Variants in KPNA5 observed in about 807,000 individuals in gnomAD.
The protein encoded by KPNA5 is importin subunit alpha-6.
Under a neutral mutation model 71.3 loss-of-function variants are expected in KPNA5, and 46 were observed. The observed-to-expected ratio is 0.65, with a 90% CI of 0.51 to 0.83. KPNA5 has a LOEUF of 0.83. Among genes scored for constraint, KPNA5 ranks in the 40% least tolerant of loss-of-function variants. The pLI is 0.00. For missense variants in KPNA5, 547 were observed against 628.3 expected (o/e 0.87, Z 1.38); for synonymous variants, 207 against 201.4 (o/e 1.03, Z -0.24).
intron 8 of KPNA5, among the ~76,000 whole-genome samples, chr6:116,718,653 A>T (rs2114475210): frequency 6.6e-6 from 1 of 152,250 alleles, no homozygotes; most frequent in Middle Eastern, 3.4e-3. Context: ...TGTGTTCCAA[A>T]CTTATGAAAT....
At chr6:116,698,864 C>G in intron 5 of KPNA5, 66 bp downstream of exon 5, 1 of 857,332 alleles carries the variant, frequency 1.2e-6, no homozygotes, top group African/African-American at 1.8e-5. Context: ...CTAGTGAAAG[C>G]AACTTCTGCA....
At chr6:116,721,021 C>T (rs1779084915) in intron 8 of KPNA5, among the ~76,000 whole-genome samples, 1 of 152,120 alleles carries the variant, frequency 6.6e-6, no homozygotes, top group Non-Finnish European at 1.5e-5. Flanking sequence ...TAGATGGTAA[C>T]TACTTCCAGA....
At position 116,712,404 on chromosome 6, in the gene KPNA5, A is replaced by G. The variant is rs191439536; in HGVS notation, c.657-3815A>G. 1.6e-3 allele frequency among the ~76,000 whole-genome samples: 247 copies of G among 152,336 alleles called. 1 individual carries two copies. Among genetic ancestry groups the G allele is most frequent in the African/African-American group, 5.3e-3 (221 of 41,582 alleles). ...AAAATCGCTTCTCGGCCTTTTGGCT[A>G]AGATCAAGTGTATTATTTGCATGGA... On this transcript the variant is annotated intron_variant, in intron 7 of 13. Transcript: ENST00000368564.
In KPNA5 at chr6:116,729,666, C is replaced by T. The variant is rs146135522; in HGVS notation, c.1357C>T (p.Arg453Cys). 67 of 1,610,280 alleles carry T rather than the reference C, an allele frequency of 4.2e-5. No homozygotes were observed. The East Asian group carries it at 7.4e-4, about 18-fold the overall frequency. Residue 453 changes from arginine (R) to cysteine (C), a missense_variant, in exon 13 of 14, where the codon CGT (arginine) becomes TGT (cysteine). Arg to Cys is a radical substitution (Grantham distance 180). Transcript: ENST00000368564. ...TTTAAATGGACTTGAAAATATTTTACGTCTTGGAGAACAAGAATCTAAGCA... is the reference window on the plus strand; with the variant it reads ...TTTAAATGGACTTGAAAATATTTTATGTCTTGGAGAACAAGAATCTAAGCA... ...VALNGLENIL[R>C]LGEQESKQNG... is the part of the protein sequence containing the mutation.
At chr6:116,726,881 A>C (rs1481874247) in intron 12 of KPNA5, among the ~76,000 whole-genome samples, 1 of 152,022 alleles carries the variant, frequency 6.6e-6, no homozygotes. Flanking sequence ...GTCTATGTTA[A>C]TTTGCAGAGT....
intron 7 of KPNA5, among the ~76,000 whole-genome samples, chr6:116,709,516 T>C (rs1778571904): frequency 1.3e-5 from 2 of 152,180 alleles, no homozygotes; most frequent in Non-Finnish European, 2.9e-5. Context: ...ATGGTAAGAC[T>C]CCATCTCTAA....
intron 1 of KPNA5, among the ~76,000 whole-genome samples, chr6:116,685,456 GC>G (rs1356500155): frequency 6.6e-6 from 1 of 152,020 alleles, no homozygotes; most frequent in Non-Finnish European, 1.5e-5. Flanking sequence ...CCTCCGGTAG[GC>G]CCCCAGTGTC....
chr6:116,740,941 A>G lies in KPNA5; in HGVS notation c.*8618A>G, dbSNP rs1025877922. The G allele has an allele frequency of 1.3e-5, 2 of 152,006 alleles. No individual in the cohort carries two copies. Among genetic ancestry groups the G allele is most frequent in the African/African-American group, 2.4e-5 (1 of 41,368 alleles). 9.4% of individuals were successfully genotyped at this position (152,006 alleles called of 1,614,324 possible). A position where few individuals can be genotyped will look rare whatever the true frequency, so the allele number is the denominator to read the frequency against. Reference sequence around the variant, plus strand: ...GCACACCAACATGGCACATGTATACATATGTAACTAACCTGCACATTGTGC... The same window carrying G: ...GCACACCAACATGGCACATGTATACGTATGTAACTAACCTGCACATTGTGC... On this transcript the variant is annotated 3_prime_UTR_variant, in exon 14 of 14. Transcript: ENST00000368564.
intron 5 of KPNA5, among the ~76,000 whole-genome samples, chr6:116,700,006 G>A (rs1778169304): frequency 1.3e-5 from 2 of 152,170 alleles, no homozygotes; most frequent in Non-Finnish European, 2.9e-5. Context: ...TATAAACAAA[G>A]TACTCTGGGG....
In KPNA5 at chr6:116,732,781, A is replaced by G. The variant is rs1300433479; in HGVS notation, c.*458A>G. The G allele has an allele frequency of 1.3e-5, 2 of 152,032 alleles. No individual in the cohort carries two copies. Among genetic ancestry groups the G allele is most frequent in the African/African-American group, 4.8e-5 (2 of 41,442 alleles). 9.4% of individuals were successfully genotyped at this position (152,032 alleles called of 1,614,324 possible). On this transcript the variant is annotated 3_prime_UTR_variant, in exon 14 of 14. Coordinates refer to ENST00000368564, the MANE Select transcript of KPNA5 (RefSeq NM_001366306.2). ...CTTGAAGCAGAAATAAAAACAAAAA[A>G]GCTTCAGAAGCATGAAATAATGCAA... is the stretch of plus-strand genomic sequence containing the variant.
chr6:116,681,682 T>C, intron 1 of KPNA5: 1 of 347,404 alleles, frequency 2.9e-6, no homozygotes, highest in Non-Finnish European at 4.3e-6. Context: ...CACTCATACC[T>C]GGTACCCATC....
intron 12 of KPNA5, among the ~76,000 whole-genome samples, chr6:116,728,107 C>G (rs1242340057): frequency 6.6e-6 from 1 of 151,938 alleles, no homozygotes; most frequent in East Asian, 1.9e-4. Context: ...CTTTTATTTT[C>G]TATTCTATCT....
intron 2 of KPNA5, among the ~76,000 whole-genome samples, chr6:116,690,164 G>A (rs922064099): frequency 1.3e-5 from 2 of 150,856 alleles, no homozygotes; most frequent in Non-Finnish European, 2.9e-5. Context: ...TGAACTCCTC[G>A]CCTCAAGCAA....
intron 9 of KPNA5, among the ~76,000 whole-genome samples, chr6:116,723,801 A>G (rs1779202761): frequency 6.6e-6 from 1 of 152,126 alleles, no homozygotes; most frequent in Non-Finnish European, 1.5e-5. Flanking sequence ...ATTTTGCATT[A>G]TCTCAAAGTA....
chr6:116,681,772 C>G (rs2114337420), intron 1 of KPNA5, among the ~76,000 whole-genome samples: 1 of 152,278 alleles, frequency 6.6e-6, no homozygotes, highest in South Asian at 2.1e-4. Context: ...CCTAGCCTCG[C>G]CCTCTCCATC....
intron 7 of KPNA5, among the ~76,000 whole-genome samples, chr6:116,706,249 G>A (rs2114427733): frequency 6.6e-6 from 1 of 152,294 alleles, no homozygotes; most frequent in East Asian, 1.9e-4. Flanking sequence ...AATATCTCAA[G>A]TAGGTAGTGG....
intron 13 of KPNA5, among the ~76,000 whole-genome samples, chr6:116,730,357 A>T (rs1297320286): frequency 6.6e-6 from 1 of 151,928 alleles, no homozygotes; most frequent in Non-Finnish European, 1.5e-5. Context: ...AAAGTGCTGG[A>T]ATTACAGATA....
chr6:116,684,609 T>C lies in KPNA5; in HGVS notation c.4+3271T>C, dbSNP rs544024892. Among the ~76,000 whole-genome samples, 17 of 152,342 alleles carry C rather than the reference T, an allele frequency of 1.1e-4. No individual in the cohort carries two copies. In the Middle Eastern group the frequency reaches 0.017, roughly 152 times the overall value. On this transcript the variant is annotated intron_variant, in intron 1 of 13. Coordinates refer to ENST00000368564, the MANE Select transcript of KPNA5 (RefSeq NM_001366306.2). ...TTCTACTTCTCTGACCTACTTCTTT[T>C]TGGTTTCTTTTGCTCTTGCCTTTTT...
At chr6:116,693,367 T>C (rs1777884983) in intron 4 of KPNA5, among the ~76,000 whole-genome samples, 1 of 152,202 alleles carries the variant, frequency 6.6e-6, no homozygotes, top group South Asian at 2.1e-4. Flanking sequence ...GTAAAAGTGT[T>C]CCTATTTCTC....
Sources: gnomAD v4.1 joint callset for allele counts (sites outside exome capture counted in the v4.1 genomes callset) on GRCh38, gnomAD v4.1.1 for gene constraint, MANE v1.5 for transcripts, NCBI Gene and HGNC (gene_info 2026-07-23, HGNC 2026-07-21) for gene names.